Variants in SPPL2B observed in about 807,000 individuals in gnomAD.
SPPL2B encodes the protein signal peptide peptidase like 2B, also known as signal peptide peptidase-like 2B.
A neutral mutation model predicts 59.7 loss-of-function variants in SPPL2B; 39 were observed. That is an observed-to-expected ratio of 0.65 (90% CI 0.51 to 0.85). The LOEUF is 0.85. SPPL2B is among the 40% of genes least tolerant of loss of function. The pLI is 0.00. For missense variants in SPPL2B, 865 were observed against 849.0 expected, an observed-to-expected ratio of 1.02 and a Z score of -0.23; for synonymous variants, 419 against 370.8, an observed-to-expected ratio of 1.13 and a Z score of -1.49.
At chr19:2,348,905 C>T (rs1286664792) in intron 13 of SPPL2B, among the ~76,000 whole-genome samples, 18 of 150,452 alleles carry the variant, frequency 1.2e-4, no homozygotes, top group South Asian at 4.2e-4. Flanking sequence ...CACACACTCA[C>T]GCGCTCTCAT....
intron 1 of SPPL2B, chr19:2,330,434 T>C (rs1358431050): frequency 6.6e-6 from 1 of 152,194 alleles, no homozygotes; most frequent in Non-Finnish European, 1.5e-5. Flanking sequence ...GTGTTCTGAA[T>C]GATGAGTAGG....
intron 13 of SPPL2B, 58 bp from the exon 14 acceptor site, chr19:2,351,376 G>T: frequency 7.1e-7 from 1 of 1,411,260 alleles, no homozygotes. Flanking sequence ...TCTTCCCAGG[G>T]AAATGGGTGG....
chr19:2,346,627 A>G (rs1969385542), intron 13 of SPPL2B, among the ~76,000 whole-genome samples: 2 of 152,208 alleles, frequency 1.3e-5, no homozygotes, highest in African/African-American at 4.8e-5. Context: ...TGATCGTGCC[A>G]CCGCACTCCA....
chr19:2,338,430 G>A (rs1170701160), intron 3 of SPPL2B: 3 of 225,176 alleles, frequency 1.3e-5, no homozygotes, highest in East Asian at 1.1e-4. Context: ...CGGCTTAGTG[G>A]GCAGGCATGG....
intron 1 of SPPL2B, 120 bp from the exon 2 acceptor site, chr19:2,334,482 C>T: frequency 7.3e-7 from 1 of 1,367,960 alleles, no homozygotes; most frequent in Non-Finnish European, 9.8e-7. Flanking sequence ...TCCCAGACCA[C>T]CTGGTGAACA....
intron 8 of SPPL2B, 200 bp downstream of exon 8, chr19:2,341,214 T>TGGGAACCCTGA (rs1329802486): frequency 2.9e-6 from 2 of 689,768 alleles, no homozygotes; most frequent in Non-Finnish European, 5.3e-6. Flanking sequence ...CCGGGTGTCA[T>TGGGAACCCTGA]GGGAACCCTG....
Position 2,340,087 on chromosome 19 carries a change from A to C in SPPL2B, c.754A>C (p.Ile252Leu). 1 of 1,594,834 alleles carries C rather than the reference A, an allele frequency of 6.3e-7. No homozygotes were observed. Among genetic ancestry groups the C allele is most frequent in the South Asian group, 1.1e-5 (1 of 89,178 alleles). Residue 252 changes from isoleucine (I) to leucine (L), a missense_variant, in exon 7 of 15, where the codon ATC becomes CTC. Ile to Leu is a conservative substitution (Grantham distance 5). Transcript: ENST00000613503. Reference protein sequence around the residue: ...YFYDLLVYVVIGIFCLASATG... With the variant: ...YFYDLLVYVVLGIFCLASATG... ...CCCTGCCCCTGCAGTGTACGTGGTC[A>C]TCGGGATCTTCTGCCTGGCCTCCGC...
chr19:2,351,340 CT>C, intron 13 of SPPL2B, 93 bp from the exon 14 acceptor site: 1 of 1,077,362 alleles, frequency 9.3e-7, no homozygotes, highest in Non-Finnish European at 1.4e-6. Context: ...CACCCCTGCC[CT>C]CCACCAACCC....
rs371536712 is a variant in SPPL2B at position 2,334,648 on chromosome 19, G to A, written c.113G>A (p.Gly38Asp). 1.7e-5 allele frequency: 27 copies of A among 1,613,028 alleles called. No homozygotes were observed. The Admixed American group carries it at 1.8e-4, about 11-fold the overall frequency. ...GMVHVVSQAG[G>D]PEGKDYCILY... ...GTGCACGTGGTCTCCCAGGCCGGGGGCCCCGAAGGCAAAGACTACTGCATC... is the reference window on the plus strand; with the variant it reads ...GTGCACGTGGTCTCCCAGGCCGGGGACCCCGAAGGCAAAGACTACTGCATC... The change falls in exon 2 of 15, where the codon GGC becomes GAC. Residue 38 changes from glycine (G) to aspartate (D), a missense_variant. Physicochemically the swap from Gly to Asp is moderately conservative, Grantham distance 94. Transcript: ENST00000613503.
intron 14 of SPPL2B, among the ~76,000 whole-genome samples, chr19:2,351,895 C>T (rs902310042): frequency 3.9e-5 from 6 of 151,988 alleles, no homozygotes; most frequent in Admixed American, 2.6e-4. Flanking sequence ...GGCTGGGACT[C>T]GGGGGTGCCA....
intron 2 of SPPL2B, among the ~76,000 whole-genome samples, chr19:2,335,020 G>A (rs1405472501): frequency 6.6e-6 from 1 of 152,094 alleles, no homozygotes; most frequent in African/African-American, 2.4e-5. Context: ...CCAGACAGAG[G>A]GGTCCTCAGA....
intron 1 of SPPL2B, among the ~76,000 whole-genome samples, chr19:2,333,332 G>A (rs576886138): frequency 1.3e-5 from 2 of 151,298 alleles, no homozygotes; most frequent in African/African-American, 4.9e-5. Flanking sequence ...GGGAGCAGGA[G>A]GAAGGTGGGG....
In SPPL2B at chr19:2,334,718, G is replaced by GCCTT; in HGVS notation, c.183_184insCCTT (p.Ala62ProfsTer42). 1 of 1,601,092 alleles carries GCCTT rather than the reference G, an allele frequency of 6.2e-7. No homozygotes were observed. Among genetic ancestry groups the GCCTT allele is most frequent in the South Asian group, 1.1e-5 (1 of 89,500 alleles). On this transcript the variant is annotated frameshift_variant, in exon 2 of 15. Transcript: ENST00000613503. LOFTEE classifies it high-confidence loss of function. ...CCCATCTTCCGCACGACCTCAGCAAGGCAGTGAGTACCCGCTGGCCGGGCG... is the reference window on the plus strand; with the variant it reads ...CCCATCTTCCGCACGACCTCAGCAAGCCTTGCAGTGAGTACCCGCTGGCCGGGCG...
chr19:2,340,150 C>G lies in SPPL2B; in HGVS notation c.817C>G (p.Arg273Gly). 6.3e-7 allele frequency: 1 copy of G among 1,579,554 alleles called. No individual in the cohort carries two copies. Among genetic ancestry groups the G allele is most frequent in the African/African-American group, 1.3e-5 (1 of 74,526 alleles). ...CAGCTGCCTGGCGCCCTGTGTGCGG[C>G]GGCTGCCCTTCGGCAAGTGCAGGTG... ...LYSCLAPCVRRLPFGKCRIPN... is the reference protein window; with the variant it reads ...LYSCLAPCVRGLPFGKCRIPN... The change falls in exon 7 of 15, where the codon CGG (arginine) becomes GGG (glycine). Residue 273 changes from arginine to glycine, a missense_variant. By Grantham distance (125) the Arg-to-Gly change is moderately radical (BLOSUM62 -2). Coordinates refer to ENST00000613503, the MANE Select transcript of SPPL2B (RefSeq NM_152988.3).
Position 2,335,349 on chromosome 19 carries a change from C to G in SPPL2B, c.186+628C>G, listed in dbSNP as rs74892818. On this transcript the variant is annotated intron_variant, in intron 2 of 14. Transcript: ENST00000613503. ...GGCCCCGCCTCATTTCCCACTGCAT[C>G]CTTCAGGCCCCGCCTCCTTTCTCAC... 9.6e-4 allele frequency among the ~76,000 whole-genome samples: 99 copies of G among 102,622 alleles called. 1 individual carries two copies. Among genetic ancestry groups the G allele is most frequent in the East Asian group, 3.3e-3 (11 of 3,290 alleles). 67.3% of individuals were successfully genotyped at this position (102,622 alleles called of 152,430 possible).
chr19:2,336,718 A>C (rs913643668), intron 2 of SPPL2B, among the ~76,000 whole-genome samples: 1 of 148,650 alleles, frequency 6.7e-6, no homozygotes, highest in Admixed American at 6.7e-5. Context: ...TTGCGTGTGC[A>C]TATGTGTGCC....
Position 2,334,762 on chromosome 19 carries a change from C to T in SPPL2B, c.186+41C>T, listed in dbSNP as rs764001205. ...CCGGGCGCCGCTGCGGAGGAGAATG[C>T]GGGGGCCCCGGGGCTCTAGAGACAC... On this transcript the variant is annotated intron_variant, in intron 2 of 14. Transcript: ENST00000613503. 2.6e-5 allele frequency: 38 copies of T among 1,480,114 alleles called. 2 individuals are homozygous for T. The highest frequency in any genetic ancestry group is 2.6e-5 in the East Asian group (1 of 38,502). 91.7% of individuals were successfully genotyped at this position (1,480,114 alleles called of 1,614,324 possible). A position where few individuals can be genotyped will look rare whatever the true frequency, so the allele number is the denominator to read the frequency against.
At chr19:2,352,847 C>A in intron 14 of SPPL2B, 99 bp from the exon 15 acceptor site, 1 of 1,361,210 alleles carries the variant, frequency 7.3e-7, no homozygotes, top group Non-Finnish European at 1.0e-6. Context: ...CATTTTGACC[C>A]TGCCCCCGTG....
chr19:2,340,596 T>C (rs559482207), intron 7 of SPPL2B: 67 of 539,400 alleles, frequency 1.2e-4, no homozygotes, highest in African/African-American at 1.2e-3. Flanking sequence ...CCTTTTTGTG[T>C]TGCCGTCCCT....
Sources: gnomAD v4.1 joint callset for allele counts (sites outside exome capture counted in the v4.1 genomes callset) on GRCh38, gnomAD v4.1.1 for gene constraint, MANE v1.5 for transcripts, NCBI Gene and HGNC (gene_info 2026-07-23, HGNC 2026-07-21) for gene names.